The following SLC30A9 variants were observed in gnomAD, a reference collection of about 807,000 sequenced individuals.
The protein encoded by SLC30A9 is solute carrier family 30 member 9, also known as proton-coupled zinc antiporter SLC30A9, mitochondrial.
A neutral mutation model predicts 87.5 loss-of-function variants in SLC30A9; 58 were observed. The observed-to-expected ratio is 0.66, with a 90% CI of 0.54 to 0.82. The LOEUF (loss-of-function observed/expected upper bound fraction) is 0.82, where lower values mean the gene tolerates loss of function less well. SLC30A9 is among the 40% of genes least tolerant of loss of function. The pLI is 0.00. For missense variants in SLC30A9, 557 were observed against 679.1 expected (o/e 0.82, Z 2.00); for synonymous variants, 234 against 233.0 (o/e 1.00, Z -0.04).
chr4:41,994,347 GTTAC>G (rs1323527394), intron 1 of SLC30A9, among the ~76,000 whole-genome samples: 3 of 151,790 alleles, frequency 2.0e-5, no homozygotes, highest in Non-Finnish European at 4.4e-5. Flanking sequence ...GAATAAAAAT[GTTAC>G]TTAGTTTCTG....
chr4:42,082,404 C>G (rs907816341), intron 17 of SLC30A9, among the ~76,000 whole-genome samples: 4 of 152,110 alleles, frequency 2.6e-5, no homozygotes, highest in Non-Finnish European at 5.9e-5. Flanking sequence ...CTGGCATATT[C>G]CTTCATTTTT....
At chr4:42,003,876 T>C (rs537950580) in intron 2 of SLC30A9, among the ~76,000 whole-genome samples, 1 of 152,348 alleles carries the variant, frequency 6.6e-6, no homozygotes, top group African/African-American at 2.4e-5. Flanking sequence ...ATAAATTTAC[T>C]TTCCTTCTGA....
At chr4:42,001,340 C>T (rs1386814100) in intron 1 of SLC30A9, among the ~76,000 whole-genome samples, 4 of 151,910 alleles carry the variant, frequency 2.6e-5, no homozygotes, top group African/African-American at 9.7e-5. Flanking sequence ...TAGCTTGCAA[C>T]CAACATGCAA....
At chr4:41,997,334 A>T (rs1490015747) in intron 1 of SLC30A9, among the ~76,000 whole-genome samples, 1 of 152,068 alleles carries the variant, frequency 6.6e-6, no homozygotes, top group East Asian at 1.9e-4. Flanking sequence ...TAAACCAGAG[A>T]TAGTCAATCT....
chr4:42,029,634 T>C, intron 6 of SLC30A9: 1 of 667,090 alleles, frequency 1.5e-6, no homozygotes, highest in Non-Finnish European at 2.6e-6. Context: ...GAGACTTTAA[T>C]CAAGAATGAG....
At chr4:42,035,477 C>A in intron 7 of SLC30A9, 144 bp downstream of exon 7, 88 of 769,420 alleles carry the variant, frequency 1.1e-4, no homozygotes, top group Middle Eastern at 3.8e-4. Flanking sequence ...ATAGTCAATT[C>A]ATTCATTTCC....
At chr4:42,019,738 C>T (rs1715866639) in intron 3 of SLC30A9, among the ~76,000 whole-genome samples, 1 of 152,058 alleles carries the variant, frequency 6.6e-6, no homozygotes, top group African/African-American at 2.4e-5. Context: ...GTATGAAATG[C>T]TGATTTCACC....
intron 1 of SLC30A9, among the ~76,000 whole-genome samples, chr4:41,996,707 GC>G (rs1714726876): frequency 6.6e-6 from 1 of 152,006 alleles, no homozygotes; most frequent in South Asian, 2.1e-4. Context: ...TTGCACCACT[GC>G]CCCAGCCTGG....
At chr4:42,054,578 C>T (rs990299227) in intron 9 of SLC30A9, among the ~76,000 whole-genome samples, 1 of 151,590 alleles carries the variant, frequency 6.6e-6, no homozygotes, top group African/African-American at 2.4e-5. Context: ...GCAAGCTCCG[C>T]CTCCCAGGTT....
At chr4:42,085,705 G>C (rs972534478) in intron 17 of SLC30A9, among the ~76,000 whole-genome samples, 5 of 151,960 alleles carry the variant, frequency 3.3e-5, no homozygotes, top group African/African-American at 9.7e-5. Flanking sequence ...ATGGATTGTT[G>C]CTAAAGTATA....
At chr4:42,004,493 C>A (rs1379086330) in intron 2 of SLC30A9, among the ~76,000 whole-genome samples, 1 of 151,932 alleles carries the variant, frequency 6.6e-6, no homozygotes, top group South Asian at 2.1e-4. Flanking sequence ...TGTCTTTAAA[C>A]CTCTCTATCG....
At chr4:42,011,265 C>T (rs1001194301) in intron 2 of SLC30A9, among the ~76,000 whole-genome samples, 7 of 152,144 alleles carry the variant, frequency 4.6e-5, no homozygotes, top group Admixed American at 1.3e-4. Flanking sequence ...CTTATAAAAC[C>T]ATCAGATCTG....
At position 42,028,544 on chromosome 4, in the gene SLC30A9, G is replaced by T. The variant is rs552570576; in HGVS notation, c.610+5160G>T. Among the ~76,000 whole-genome samples, 19 of 152,300 alleles carry T rather than the reference G, an allele frequency of 1.2e-4. No homozygotes were observed. In the East Asian group the frequency reaches 3.7e-3, roughly 29 times the overall value. On this transcript the variant is annotated intron_variant, in intron 6 of 17. Coordinates refer to ENST00000264451, the MANE Select transcript of SLC30A9 (RefSeq NM_006345.4). The stretch of plus-strand genomic sequence containing the variant: ...ATGTGGAGCAGAAAAAGCCTTAGTT[G>T]GACAAATTTATAAAGTTTGTGAAAA...
intron 4 of SLC30A9, chr4:42,020,739 A>C: frequency 2.6e-6 from 1 of 391,658 alleles, no homozygotes; most frequent in Non-Finnish European, 4.5e-6. Flanking sequence ...TAGTTTCTTA[A>C]ACCCACAATG....
chr4:41,990,838 G>A (rs920242870), intron 1 of SLC30A9, 78 bp downstream of exon 1: 9 of 1,034,946 alleles, frequency 8.7e-6, no homozygotes, highest in Admixed American at 4.4e-5. Context: ...CTCGCCTGGG[G>A]CAATTCGCCC....
At chr4:41,990,789 C>T (rs1714399283) in intron 1 of SLC30A9, 29 bp downstream of exon 1, 1 of 1,537,626 alleles carries the variant, frequency 6.5e-7, no homozygotes, top group South Asian at 1.1e-5. Flanking sequence ...CCGCTGGCTC[C>T]GTAGAAGCCG....
At position 42,067,150 on chromosome 4, in the gene SLC30A9, G is replaced by A; in HGVS notation, c.1210G>A (p.Val404Ile). The change falls in exon 14 of 18, where the codon GTT becomes ATT. Residue 404 changes from valine (V) to isoleucine (I), a missense_variant. By Grantham distance (29) the Val-to-Ile change is conservative (BLOSUM62 3). Transcript: ENST00000264451. ...GGAGGATACTGCTGCAGTCTTGGGA[G>A]TTATAATAGCAGCCACTTGCATGGG... ...LLEDTAAVLG[V>I]IIAATCMGLT... 8 of 1,612,432 alleles carry A rather than the reference G, an allele frequency of 5.0e-6. No individual in the cohort carries two copies. The highest frequency in any genetic ancestry group is 6.8e-6 in the Non-Finnish European group (8 of 1,178,682).
chr4:42,081,757 A>G (rs1286581491), intron 17 of SLC30A9, among the ~76,000 whole-genome samples: 3 of 151,638 alleles, frequency 2.0e-5, no homozygotes, highest in African/African-American at 7.3e-5. Flanking sequence ...TGTCACCTAC[A>G]TTTACTCTTA....
chr4:42,081,766 T>TA (rs943227460), intron 17 of SLC30A9, among the ~76,000 whole-genome samples: 16 of 152,230 alleles, frequency 1.1e-4, no homozygotes, highest in African/African-American at 3.9e-4. Context: ...CATTTACTCT[T>TA]ACAACAATCA....
Sources: gnomAD v4.1 joint callset for allele counts (sites outside exome capture counted in the v4.1 genomes callset) on GRCh38, gnomAD v4.1.1 for gene constraint, MANE v1.5 for transcripts, NCBI Gene and HGNC (gene_info 2026-07-23, HGNC 2026-07-21) for gene names.